KIF9: variants seen among roughly 807,000 people sequenced by gnomAD.
KIF9 encodes the protein kinesin family member 9.
Under a neutral mutation model 94.8 loss-of-function variants are expected in KIF9, and 68 were observed. The observed-to-expected ratio is 0.72, with a 90% CI of 0.59 to 0.88. The LOEUF (loss-of-function observed/expected upper bound fraction) is 0.88, where lower values mean the gene tolerates loss of function less well. Among genes scored for constraint, KIF9 ranks in the 40% least tolerant of loss-of-function variants. The pLI is 0.00. For synonymous variants in KIF9, 343 were observed against 362.1 expected, an observed-to-expected ratio of 0.95 and a Z score of 0.60; for missense variants, 882 against 982.5, an observed-to-expected ratio of 0.90 and a Z score of 1.37.
intron 10 of KIF9, among the ~76,000 whole-genome samples, chr3:47,249,785 C>T (rs957530026): frequency 5.3e-5 from 8 of 152,174 alleles, no homozygotes; most frequent in African/African-American, 7.2e-5. Context: ...CAGCCAGGTG[C>T]GGTGGCTCAT....
chr3:47,251,558 T>C (rs1336617006), intron 10 of KIF9, among the ~76,000 whole-genome samples: 1 of 152,144 alleles, frequency 6.6e-6, no homozygotes, highest in Non-Finnish European at 1.5e-5. Flanking sequence ...AGTGAGACCC[T>C]GTCTCAAAAA....
intron 1 of KIF9, among the ~76,000 whole-genome samples, chr3:47,279,516 A>C (rs1437489558): frequency 6.6e-6 from 1 of 152,022 alleles, no homozygotes; most frequent in African/African-American, 2.4e-5. Flanking sequence ...AACTTTTAAG[A>C]TGTTAACCAT....
chr3:47,273,475 G>A, intron 4 of KIF9, 77 bp downstream of exon 4: 2 of 1,121,618 alleles, frequency 1.8e-6, no homozygotes, highest in South Asian at 1.5e-5. Flanking sequence ...GTCTCTAGTA[G>A]CTGGCCCAGG....
intron 5 of KIF9, 86 bp downstream of exon 5, chr3:47,271,145 AAAAAAG>A (rs142053755): frequency 0.55 from 475,727 of 868,782 alleles, 137,483 homozygotes; most frequent in Non-Finnish European, 0.57. Flanking sequence ...TCCTGTCTCA[AAAAAAG>A]AAAAAGAAAA....
At chr3:47,256,540 G>C (rs1161870550) in intron 10 of KIF9, among the ~76,000 whole-genome samples, 1 of 150,930 alleles carries the variant, frequency 6.6e-6, no homozygotes. Context: ...CCCCCCGCCC[G>C]GCCGGCCGCC....
intron 16 of KIF9, 129 bp from the exon 17 acceptor site, chr3:47,241,144 G>T: frequency 1.4e-6 from 1 of 730,194 alleles, no homozygotes; most frequent in Non-Finnish European, 2.3e-6. Context: ...ACCTACCCAA[G>T]ACAGGAGCTA....
At position 47,241,014 on chromosome 3, in the gene KIF9, G is replaced by T. The variant is rs1361290690; in HGVS notation, c.1711C>A (p.Pro571Thr). 1.2e-6 allele frequency: 2 copies of T among 1,613,978 alleles called. No individual in the cohort carries two copies. The highest frequency in any genetic ancestry group is 3.3e-5 in the Admixed American group (2 of 59,998). ...SPKEELRPIRPDTPPSKPVAF... is the reference protein window; with the variant it reads ...SPKEELRPIRTDTPPSKPVAF... ...ACTGGTTTGGAGGGTGGGGTGTCGG[G>T]CCTTGAGATGAAAAGGTGAGACCAA... The change falls in exon 17 of 21, where the codon CCC becomes ACC. Residue 571 changes from proline (P) to threonine (T), a missense_variant and splice_region_variant. Pro to Thr is a conservative substitution (Grantham distance 38, BLOSUM62 -1). Transcript: ENST00000684063.
chr3:47,235,442 A>C, intron 20 of KIF9, 71 bp downstream of exon 20: 1 of 1,044,112 alleles, frequency 9.6e-7, no homozygotes, highest in Non-Finnish European at 1.5e-6. Flanking sequence ...TCTCTAAAGT[A>C]GGGAATATGA....
Position 47,245,422 on chromosome 3 carries a change from T to C in KIF9, c.1379A>G (p.Lys460Arg). 20 of 1,613,010 alleles carry C rather than the reference T, an allele frequency of 1.2e-5. No homozygotes were observed. The highest frequency in any genetic ancestry group is 1.7e-5 in the Non-Finnish European group (20 of 1,178,954). Residue 460 changes from lysine (K) to arginine (R), a missense_variant and splice_region_variant, in exon 14 of 21, where the codon AAG becomes AGG. Transcript: ENST00000684063. ...TCGGCAAGTAGCAACTATGCTTACC[T>C]TCTGGATAGCAGAAATGGCTGCAAA... ...NDFAAISAIQ[K>R]AGLVDVDGHL...
At chr3:47,257,197 T>A (rs891216331) in intron 10 of KIF9, among the ~76,000 whole-genome samples, 1 of 152,062 alleles carries the variant, frequency 6.6e-6, no homozygotes, top group African/African-American at 2.4e-5. Context: ...AAAAAAAAAT[T>A]TTTCTTCATC....
chr3:47,235,598 T>C lies in KIF9; in HGVS notation c.2237A>G (p.Lys746Arg), dbSNP rs940187595. ...CACCCTCTGCTGCAGCTGGCTGAAT[T>C]TGTCCTGGTCATCTTCTCCCTGGGG... ...IVSLGEDDQD[K>R]FSQLQQRVLP... The change falls in exon 20 of 21, where the codon AAA becomes AGA. Residue 746 changes from lysine to arginine, a missense_variant. Coordinates refer to ENST00000684063, the MANE Select transcript of KIF9 (RefSeq NM_182902.4). 3.7e-6 allele frequency: 6 copies of C among 1,613,956 alleles called. No individual in the cohort carries two copies. The highest frequency in any genetic ancestry group is 2.2e-5 in the East Asian group (1 of 44,902).
intron 7 of KIF9, among the ~76,000 whole-genome samples, chr3:47,266,640 G>A (rs1701305300): frequency 6.6e-6 from 1 of 152,152 alleles, no homozygotes; most frequent in African/African-American, 2.4e-5. Flanking sequence ...GCGAGACTGT[G>A]TCTCAAAACA....
intron 1 of KIF9, among the ~76,000 whole-genome samples, chr3:47,277,888 T>G (rs576524973): frequency 6.6e-6 from 1 of 151,922 alleles, no homozygotes; most frequent in Non-Finnish European, 1.5e-5. Context: ...TGGTCCATAA[T>G]AAATATTCTT....
intron 10 of KIF9, among the ~76,000 whole-genome samples, chr3:47,249,303 G>A (rs1163552174): frequency 3.3e-5 from 5 of 151,806 alleles, no homozygotes; most frequent in East Asian, 1.9e-4. Context: ...GTGCCACCAC[G>A]CCCGGCTAAT....
rs751670926 is a variant in KIF9 at position 47,245,461 on chromosome 3, A to G, written c.1340T>C (p.Ile447Thr). 1.5e-5 allele frequency: 25 copies of G among 1,614,080 alleles called. 1 individual carries two copies. In the South Asian group the frequency reaches 2.7e-4, roughly 18 times the overall value. Residue 447 changes from isoleucine to threonine, a missense_variant, in exon 14 of 21, where the codon ATT becomes ACT. By Grantham distance (89) the Ile-to-Thr change is moderately conservative (BLOSUM62 -1). Transcript: ENST00000684063. ...AATGGCTGCAAAGTCATTCCTGTCAATGAGGGTGTACTTCCTGCGCAAAGT... is the reference window on the plus strand; with the variant it reads ...AATGGCTGCAAAGTCATTCCTGTCAGTGAGGGTGTACTTCCTGCGCAAAGT... ...ESTLRRKYTLIDRNDFAAISA... is the reference protein window; with the variant it reads ...ESTLRRKYTLTDRNDFAAISA...
chr3:47,280,959 C>T (rs1447164645), intron 1 of KIF9: 2 of 703,082 alleles, frequency 2.8e-6, no homozygotes, highest in East Asian at 2.7e-5. Flanking sequence ...TACTGAAATA[C>T]TGCTTGTTAC....
Position 47,236,516 on chromosome 3 carries a change from G to A in KIF9, c.2028C>T (p.Asp676=), listed in dbSNP as rs1045376506. Residue 676 remains aspartate (D), a synonymous_variant, in exon 18 of 21, where the codon GAC becomes GAT. Transcript: ENST00000684063. Reference sequence around the variant, plus strand: ...GGATCTCAGCCCTGAGGTCACGCAGGTCCTGGTACTCGCTGCGGTACTGCT... The same window carrying A: ...GGATCTCAGCCCTGAGGTCACGCAGATCCTGGTACTCGCTGCGGTACTGCT... ...LKKQYRSEYQ[D]LRDLRAEIQY... is the part of the protein sequence containing the mutation. 6.2e-7 allele frequency: 1 copy of A among 1,614,018 alleles called. No individual in the cohort carries two copies. The highest frequency in any genetic ancestry group is 8.5e-7 in the Non-Finnish European group (1 of 1,179,974).
chr3:47,278,160 C>T (rs1702095640), intron 1 of KIF9, among the ~76,000 whole-genome samples: 1 of 151,986 alleles, frequency 6.6e-6, no homozygotes, highest in African/African-American at 2.4e-5. Flanking sequence ...CAGCCTTGAC[C>T]TCCCAGGCTT....
At chr3:47,263,718 T>A in intron 9 of KIF9, 1 of 379,244 alleles carries the variant, frequency 2.6e-6, no homozygotes, top group Non-Finnish European at 5.2e-6. Flanking sequence ...TCTGAAGGTC[T>A]CCTCCCTCTG....
Sources: allele counts gnomAD v4.1 joint callset (sites outside exome capture counted in the v4.1 genomes callset), GRCh38; gene constraint gnomAD v4.1.1; transcripts MANE v1.5; gene names NCBI Gene and HGNC (gene_info 2026-07-23, HGNC 2026-07-21).